Variants in EXOSC3 observed in about 807,000 individuals in gnomAD.
The protein encoded by EXOSC3 is exosome component 3.
A neutral mutation model predicts 25.1 loss-of-function variants in EXOSC3; 18 were observed. The ratio of observed to expected loss-of-function variants is 0.72; its 90% confidence interval spans 0.50 to 1.06. The LOEUF is 1.06. Ranked by LOEUF, EXOSC3 falls within the 50% of genes least tolerant of loss-of-function variation. The pLI is 0.00. For synonymous variants in EXOSC3, 165 were observed against 132.2 expected, an observed-to-expected ratio of 1.25 and a Z score of -1.70; for missense variants, 382 against 350.9, an observed-to-expected ratio of 1.09 and a Z score of -0.71.
Position 37,784,800 on chromosome 9 carries a change from T to C in EXOSC3, c.245A>G (p.Lys82Arg). The change falls in exon 1 of 4, where the codon AAG (lysine) becomes AGG (arginine). Residue 82 changes from lysine to arginine, a missense_variant. Lys to Arg is a conservative substitution (Grantham distance 26). Transcript: ENST00000327304. Reference sequence around the variant, plus strand: ...CTCCTTGTGACGGAGGCGGCCGCACTTGGTGACCAGCAGGCGGTCCCCACA... The same window carrying C: ...CTCCTTGTGACGGAGGCGGCCGCACCTGGTGACCAGCAGGCGGTCCCCACA... Reference protein sequence around the residue: ...RRCGDRLLVTKCGRLRHKEPG... With the variant: ...RRCGDRLLVTRCGRLRHKEPG... The C allele has an allele frequency of 6.2e-7, 1 of 1,608,614 alleles. No homozygotes were observed. The highest frequency in any genetic ancestry group is 8.5e-7 in the Non-Finnish European group (1 of 1,178,646).
rs760815181 is a variant in EXOSC3 at position 37,780,639 on chromosome 9, G to GT, written c.*39dup. The GT allele has an allele frequency of 1.8e-5, 28 of 1,565,264 alleles. No homozygotes were observed. The Admixed American group carries it at 2.4e-4, about 13-fold the overall frequency. ...GGAGGTTCACCTGAAAAAACCCATA[G>GT]TTTTTTGCCTCAACTGACCTGTAAA... On this transcript the variant is annotated 3_prime_UTR_variant, in exon 4 of 4. Coordinates refer to ENST00000327304, the MANE Select transcript of EXOSC3 (RefSeq NM_016042.4).
chr9:37,784,386 G>A (rs1828659602), intron 1 of EXOSC3: 1 of 478,642 alleles, frequency 2.1e-6, no homozygotes, highest in Non-Finnish European at 3.7e-6. Flanking sequence ...ATTCTTACCT[G>A]TTCTAGGAGA....
chr9:37,781,851 G>A lies in EXOSC3; in HGVS notation c.626+135C>T, dbSNP rs575794407. 5.4e-4 allele frequency: 515 copies of A among 953,664 alleles called. 6 individuals carry two copies. Among genetic ancestry groups the A allele is most frequent in the South Asian group, 2.5e-3 (146 of 57,898 alleles). The allele number at this position is 953,664 out of a possible 1,614,324, so 59.1% of individuals were successfully genotyped here. On this transcript the variant is annotated intron_variant, in intron 3 of 3. Coordinates refer to ENST00000327304, the MANE Select transcript of EXOSC3 (RefSeq NM_016042.4). ...ATTAAATTCATGAGTTTCCAAATGT[G>A]TTAAAATGGATACTGATTTCTAACT...
In EXOSC3 at chr9:37,784,793, G is replaced by A. The variant is rs778675403; in HGVS notation, c.252C>T (p.Gly84=). The part of the protein sequence containing the change: ...CGDRLLVTKC[G]RLRHKEPGSG... ...TGCCGGGCTCCTTGTGACGGAGGCG[G>A]CCGCACTTGGTGACCAGCAGGCGGT... The change falls in exon 1 of 4, where the codon GGC becomes GGT. Residue 84 remains glycine, a synonymous_variant. Coordinates refer to ENST00000327304, the MANE Select transcript of EXOSC3 (RefSeq NM_016042.4). 4 of 1,607,716 alleles carry A rather than the reference G, an allele frequency of 2.5e-6. No homozygotes were observed. The highest frequency in any genetic ancestry group is 2.5e-6 in the Non-Finnish European group (3 of 1,178,636).
At position 37,780,758 on chromosome 9, in the gene EXOSC3, A is replaced by G; in HGVS notation, c.749T>C (p.Leu250Ser). 2 of 1,614,052 alleles carry G rather than the reference A, an allele frequency of 1.2e-6. No homozygotes were observed. Among genetic ancestry groups the G allele is most frequent in the Non-Finnish European group, 1.7e-6 (2 of 1,179,912 alleles). ...TTCACAAGCTTCTAAAATGTTTGCC[A>G]AAATTAAAGTCTGCTGGATGGTTTT... is the stretch of plus-strand genomic sequence containing the variant. ...KAKTIQQTLI[L>S]ANILEACEHM... The change falls in exon 4 of 4, where the codon TTG (leucine) becomes TCG (serine). Residue 250 changes from leucine (L) to serine (S), a missense_variant. By Grantham distance (145) the Leu-to-Ser change is moderately radical. Transcript: ENST00000327304.
chr9:37,780,570 ATAATAC>A lies in EXOSC3; in HGVS notation c.*103_*108del. 2 of 850,912 alleles carry A rather than the reference ATAATAC, an allele frequency of 2.4e-6. No homozygotes were observed. Among genetic ancestry groups the A allele is most frequent in the Non-Finnish European group, 3.7e-6 (2 of 534,152 alleles). The allele number at this position is 850,912 out of a possible 1,614,324, so 52.7% of individuals were successfully genotyped here. A position where few individuals can be genotyped will look rare whatever the true frequency, so the allele number is the denominator to read the frequency against. On this transcript the variant is annotated 3_prime_UTR_variant, in exon 4 of 4. Transcript: ENST00000327304. ...CTTATAAAAATACTTTCGGACTCTAATAATACATACATTCACACCTTATCTTCTGAG... is the reference window on the plus strand; with the variant it reads ...CTTATAAAAATACTTTCGGACTCTAAATACATTCACACCTTATCTTCTGAG...
Position 37,782,109 on chromosome 9 carries a change from A to G in EXOSC3, c.503T>C (p.Val168Ala), listed in dbSNP as rs1243330357. The change falls in exon 3 of 4, where the codon GTG (valine) becomes GCG (alanine). Residue 168 changes from valine (V) to alanine (A), a missense_variant. Transcript: ENST00000327304. Reference sequence around the variant, plus strand: ...TGGTTCCATGTCTTTATTAGCAACCACAAACTGGCCATAGATGAGATCTCC... The same window carrying G: ...TGGTTCCATGTCTTTATTAGCAACCGCAAACTGGCCATAGATGAGATCTCC... ...QVGDLIYGQF[V>A]VANKDMEPEM... 1 of 1,613,948 alleles carries G rather than the reference A, an allele frequency of 6.2e-7. No individual in the cohort carries two copies. Among genetic ancestry groups the G allele is most frequent in the Non-Finnish European group, 8.5e-7 (1 of 1,179,958 alleles).
Position 37,784,852 on chromosome 9 carries a change from C to G in EXOSC3, c.193G>C (p.Val65Leu), listed in dbSNP as rs62640002. 1.2e-6 allele frequency: 2 copies of G among 1,608,010 alleles called. No individual in the cohort carries two copies. The highest frequency in any genetic ancestry group is 1.1e-5 in the South Asian group (1 of 90,232). Residue 65 changes from valine (V) to leucine (L), a missense_variant, in exon 1 of 4, where the codon GTT becomes CTT. Val to Leu is a conservative substitution (Grantham distance 32, BLOSUM62 1). Coordinates refer to ENST00000327304, the MANE Select transcript of EXOSC3 (RefSeq NM_016042.4). Reference sequence around the variant, plus strand: ...CGCCGAAGGCCCGGACCGCATACAACGCGCACCCGCGAGCACGCTCTAGCA... The same window carrying G: ...CGCCGAAGGCCCGGACCGCATACAAGGCGCACCCGCGAGCACGCTCTAGCA... ...LNARACSRVR[V>L]VCGPGLRRCG...
chr9:37,782,612 G>A (rs1828619996), intron 2 of EXOSC3, among the ~76,000 whole-genome samples: 1 of 152,090 alleles, frequency 6.6e-6, no homozygotes, highest in Non-Finnish European at 1.5e-5. Context: ...AAGGAACTCC[G>A]GCATGCAAAT....
rs149583035 is a variant in EXOSC3 at position 37,784,826 on chromosome 9, G to A, written c.219C>T (p.Arg73=). 2 of 1,608,404 alleles carry A rather than the reference G, an allele frequency of 1.2e-6. No homozygotes were observed. Among genetic ancestry groups the A allele is most frequent in the East Asian group, 2.2e-5 (1 of 44,652 alleles). ...TGGTGACCAGCAGGCGGTCCCCACA[G>A]CGCCGAAGGCCCGGACCGCATACAA... is the stretch of plus-strand genomic sequence containing the variant. ...VRVVCGPGLR[R]CGDRLLVTKC... is the part of the protein sequence containing the mutation. The change falls in exon 1 of 4, where the codon CGC becomes CGT. Residue 73 remains arginine (R), a synonymous_variant. Coordinates refer to ENST00000327304, the MANE Select transcript of EXOSC3 (RefSeq NM_016042.4).
chr9:37,784,331 T>TA (rs1438805394), intron 1 of EXOSC3: 2 of 489,282 alleles, frequency 4.1e-6, no homozygotes, highest in Non-Finnish European at 7.2e-6. Flanking sequence ...AAGGAATCCT[T>TA]ACAACCAAGG....
At position 37,779,905 on chromosome 9, in the gene EXOSC3, T is replaced by C. The variant is rs556227164; in HGVS notation, c.*774A>G. The stretch of plus-strand genomic sequence containing the variant: ...AATATACTAAATAGCATAGAAGAGT[T>C]TTCTATGCTTAGCTCCTAGGAAATG... On this transcript the variant is annotated 3_prime_UTR_variant, in exon 4 of 4. Coordinates refer to ENST00000327304, the MANE Select transcript of EXOSC3 (RefSeq NM_016042.4). 1 of 152,156 alleles carries C rather than the reference T, an allele frequency of 6.6e-6. No individual in the cohort carries two copies. The highest frequency in any genetic ancestry group is 1.5e-5 in the Non-Finnish European group (1 of 68,022). 9.4% of individuals were successfully genotyped at this position (152,156 alleles called of 1,614,324 possible).
At chr9:37,780,904 G>T in intron 3 of EXOSC3, 24 bp from the exon 4 acceptor site, 1 of 1,594,762 alleles carries the variant, frequency 6.3e-7, no homozygotes, top group Non-Finnish European at 8.6e-7. Context: ...AAAAGAAAAT[G>T]AAATTTAATG....
chr9:37,784,871 T>C lies in EXOSC3; in HGVS notation c.174A>G (p.Arg58=). Residue 58 remains arginine, a synonymous_variant, in exon 1 of 4, where the codon AGA becomes AGG. Transcript: ENST00000327304. The stretch of plus-strand genomic sequence containing the variant: ...ATACAACGCGCACCCGCGAGCACGC[T>C]CTAGCATTCAGGCTCAACGGTCGCT... ...AVERPLSLNA[R]ACSRVRVVCG... 1 of 1,607,440 alleles carries C rather than the reference T, an allele frequency of 6.2e-7. No individual in the cohort carries two copies. The highest frequency in any genetic ancestry group is 8.5e-7 in the Non-Finnish European group (1 of 1,177,064).
Position 37,781,824 on chromosome 9 carries a change from G to A in EXOSC3, c.626+162C>T, listed in dbSNP as rs558944939. On this transcript the variant is annotated intron_variant, in intron 3 of 3. Transcript: ENST00000327304. Reference sequence around the variant, plus strand: ...AATTTGATATGTTTCCAAGAAGATAGGATTAAATTCATGAGTTTCCAAATG... The same window carrying A: ...AATTTGATATGTTTCCAAGAAGATAAGATTAAATTCATGAGTTTCCAAATG... The A allele has an allele frequency of 1.8e-4, 134 of 740,582 alleles. No individual in the cohort carries two copies. The African/African-American group carries it at 2.2e-3, about 12-fold the overall frequency. The allele number at this position is 740,582 out of a possible 1,614,324, so 45.9% of individuals were successfully genotyped here.
At position 37,784,774 on chromosome 9, in the gene EXOSC3, G is replaced by T. The variant is rs537289113; in HGVS notation, c.271C>A (p.Pro91Thr). ...TKCGRLRHKE[P>T]GSGSGGGVYW... ...ACACCGCCGCCGCTGCCACTGCCGG[G>T]CTCCTTGTGACGGAGGCGGCCGCAC... The change falls in exon 1 of 4, where the codon CCC (proline) becomes ACC (threonine). Residue 91 changes from proline to threonine, a missense_variant. By Grantham distance (38) the Pro-to-Thr change is conservative. Coordinates refer to ENST00000327304, the MANE Select transcript of EXOSC3 (RefSeq NM_016042.4). 2.2e-5 allele frequency: 35 copies of T among 1,606,038 alleles called. No individual in the cohort carries two copies. The East Asian group carries it at 7.6e-4, about 35-fold the overall frequency.
chr9:37,784,747 A>AC lies in EXOSC3; in HGVS notation c.297_298insG (p.Tyr100ValfsTer25). 1 of 1,601,086 alleles carries AC rather than the reference A, an allele frequency of 6.2e-7. No individual in the cohort carries two copies. The highest frequency in any genetic ancestry group is 8.5e-7 in the Non-Finnish European group (1 of 1,177,550). ...CGCTTCTGCTGAGAGTCCACCCAGTAAACACCGCCGCCGCTGCCACTGCCG... is the reference window on the plus strand; with the variant it reads ...CGCTTCTGCTGAGAGTCCACCCAGTACAACACCGCCGCCGCTGCCACTGCCG... On this transcript the variant is annotated frameshift_variant, in exon 1 of 4. Transcript: ENST00000327304. LOFTEE classifies it high-confidence loss of function.
Position 37,784,537 on chromosome 9 carries a change from A to C in EXOSC3, c.324+184T>G, listed in dbSNP as rs534890103. Reference sequence around the variant, plus strand: ...TTTTTCTCTCCTGGTCGCCCTTCTCAGGCTATGTTCCTATTGTTCACGGTC... The same window carrying C: ...TTTTTCTCTCCTGGTCGCCCTTCTCCGGCTATGTTCCTATTGTTCACGGTC... On this transcript the variant is annotated intron_variant, in intron 1 of 3. Coordinates refer to ENST00000327304, the MANE Select transcript of EXOSC3 (RefSeq NM_016042.4). The C allele has an allele frequency of 5.5e-5, 38 of 693,160 alleles. No homozygotes were observed. The South Asian group carries it at 7.7e-4, about 14-fold the overall frequency. 42.9% of individuals were successfully genotyped at this position (693,160 alleles called of 1,614,324 possible).
At chr9:37,784,357 A>C in intron 1 of EXOSC3, 1 of 472,550 alleles carries the variant, frequency 2.1e-6, no homozygotes. Flanking sequence ...CATTCCATAG[A>C]CAATTTTTTC....
Sources: gnomAD v4.1 joint callset for allele counts (sites outside exome capture counted in the v4.1 genomes callset) on GRCh38, gnomAD v4.1.1 for gene constraint, MANE v1.5 for transcripts, NCBI Gene and HGNC (gene_info 2026-07-23, HGNC 2026-07-21) for gene names.